Variants in NUP107 observed in about 807,000 individuals in gnomAD.
NUP107 encodes the protein nuclear pore complex protein Nup107.
Under a neutral mutation model 141.0 loss-of-function variants are expected in NUP107, and 101 were observed. The ratio of observed to expected loss-of-function variants is 0.72; its 90% confidence interval spans 0.61 to 0.84. The LOEUF is 0.84. Among genes scored for constraint, NUP107 ranks in the 40% least tolerant of loss-of-function variants. The pLI, the probability that NUP107 is intolerant of heterozygous loss-of-function variation, is 0.00. For synonymous variants in NUP107, 319 were observed against 363.9 expected, an observed-to-expected ratio of 0.88 and a Z score of 1.41; for missense variants, 941 against 1,102.7, an observed-to-expected ratio of 0.85 and a Z score of 2.08.
At chr12:68,705,924 C>G (rs1044416883) in intron 8 of NUP107, 53 of 909,264 alleles carry the variant, frequency 5.8e-5, no homozygotes, top group Non-Finnish European at 9.3e-5. Flanking sequence ...AGATCAAGAC[C>G]CTCAACAACA....
intron 26 of NUP107, among the ~76,000 whole-genome samples, chr12:68,739,046 A>T (rs576781028): frequency 4.6e-5 from 7 of 151,658 alleles, no homozygotes; most frequent in Non-Finnish European, 8.8e-5. Context: ...GGGCCTCTTC[A>T]TTGGTTCCCC....
rs920004100 is a variant in NUP107 at position 68,700,593 on chromosome 12, C to T, written c.553-133C>T. The T allele has an allele frequency of 1.8e-5, 9 of 512,232 alleles. No homozygotes were observed. The African/African-American group carries it at 1.8e-4, about 10-fold the overall frequency. 31.7% of individuals were successfully genotyped at this position (512,232 alleles called of 1,614,324 possible). On this transcript the variant is annotated intron_variant, in intron 6 of 27. Transcript: ENST00000229179. ...TTACATTACATTTAATTTAAAAAGA[C>T]AAAATAGAGAAGGCAATTTTATAAT...
At chr12:68,721,721 T>C (rs1049429172) in intron 15 of NUP107, 120 bp from the exon 16 acceptor site, 61 of 984,988 alleles carry the variant, frequency 6.2e-5, no homozygotes, top group Non-Finnish European at 8.6e-5. Context: ...TTTTTTAAAA[T>C]CTGCCGTGTT....
chr12:68,726,738 T>C (rs1877583453), intron 19 of NUP107, 121 bp downstream of exon 19: 1 of 706,176 alleles, frequency 1.4e-6, no homozygotes, highest in Non-Finnish European at 2.4e-6. Context: ...TCAAAAGTCT[T>C]CCATATAGTC....
At chr12:68,720,821 T>C (rs1877319279) in intron 14 of NUP107, among the ~76,000 whole-genome samples, 1 of 152,136 alleles carries the variant, frequency 6.6e-6, no homozygotes, top group Admixed American at 6.5e-5. Flanking sequence ...CTATATAGAT[T>C]GTATCTGGAA....
rs756925242 is a variant in NUP107 at position 68,702,767 on chromosome 12, A to G, written c.712A>G (p.Ser238Gly). Residue 238 changes from serine (S) to glycine (G), a missense_variant, in exon 8 of 28, where the codon AGT (serine) becomes GGT (glycine). Ser to Gly is a moderately conservative substitution (Grantham distance 56). Coordinates refer to ENST00000229179, the MANE Select transcript of NUP107 (RefSeq NM_020401.4). ...AATACAGTCTGCATTAGAAGAGGAA[A>G]GTGTATTCGCAGTTACTGTAAGTTT... ...DRIQSALEEE[S>G]VFAVTAVNAS... 4 of 1,544,632 alleles carry G rather than the reference A, an allele frequency of 2.6e-6. No homozygotes were observed. The East Asian group carries it at 9.4e-5, about 36-fold the overall frequency.
At chr12:68,696,384 T>A (rs1005383211) in intron 5 of NUP107, among the ~76,000 whole-genome samples, 1 of 147,150 alleles carries the variant, frequency 6.8e-6, no homozygotes, top group African/African-American at 2.5e-5. Context: ...TTTTTTAATA[T>A]AGCAGTGAAT....
At chr12:68,705,062 A>G (rs1876514624) in intron 8 of NUP107, among the ~76,000 whole-genome samples, 3 of 150,854 alleles carry the variant, frequency 2.0e-5, no homozygotes, top group African/African-American at 7.3e-5. Context: ...TCTTTTTTAT[A>G]TTTTATAGAG....
Position 68,703,788 on chromosome 12 carries a change from T to A in NUP107, c.729+1004T>A, listed in dbSNP as rs188051149. Among the ~76,000 whole-genome samples the A allele has an allele frequency of 1.8e-3, 273 of 152,364 alleles. 2 individuals carry two copies. Among genetic ancestry groups the A allele is most frequent in the Admixed American group, 0.015 (237 of 15,296 alleles). On this transcript the variant is annotated intron_variant, in intron 8 of 27. Transcript: ENST00000229179. The stretch of plus-strand genomic sequence containing the variant: ...TAAAATTATTATTTCTTAGATTTTT[T>A]AAAATTTATGTAGGTTTTTACCATA...
chr12:68,691,865 C>A, intron 4 of NUP107, 103 bp from the exon 5 acceptor site: 127 of 791,586 alleles, frequency 1.6e-4, no homozygotes, highest in Middle Eastern at 3.9e-4. Context: ...AAGACGCATA[C>A]ATACATATAA....
chr12:68,688,862 T>G, intron 1 of NUP107, 100 bp from the exon 2 acceptor site: 2 of 797,542 alleles, frequency 2.5e-6, no homozygotes, highest in Non-Finnish European at 4.0e-6. Context: ...TGACTATACC[T>G]TAACTTACTC....
intron 1 of NUP107, chr12:68,687,632 C>T: frequency 1.0e-6 from 1 of 985,760 alleles, no homozygotes; most frequent in Non-Finnish European, 1.2e-6. Context: ...GTCACTGTAA[C>T]TATCAGGAAG....
chr12:68,720,998 TA>T, intron 14 of NUP107, 119 bp from the exon 15 acceptor site: 1 of 562,022 alleles, frequency 1.8e-6, no homozygotes. Context: ...CACTAAAGTT[TA>T]AAAACTATCA....
intron 20 of NUP107, among the ~76,000 whole-genome samples, chr12:68,729,679 G>C (rs1031250051): frequency 1.3e-5 from 2 of 151,968 alleles, no homozygotes; most frequent in Non-Finnish European, 2.9e-5. Flanking sequence ...CTGACCTCAG[G>C]TGATCCAGCA....
chr12:68,733,644 T>C, intron 24 of NUP107, 32 bp downstream of exon 24: 5 of 1,570,784 alleles, frequency 3.2e-6, no homozygotes, highest in Non-Finnish European at 3.4e-6. Flanking sequence ...CAGATGTGCC[T>C]ACTTCATGAT....
chr12:68,735,457 T>C (rs779036655), intron 26 of NUP107, 113 bp downstream of exon 26: 4 of 726,616 alleles, frequency 5.5e-6, no homozygotes, highest in Admixed American at 2.2e-5. Flanking sequence ...ATTGTAGATA[T>C]AGCTAAATCC....
In NUP107 at chr12:68,733,501, G is replaced by C; in HGVS notation, c.2151G>C (p.Gln717His). 2 of 1,611,514 alleles carry C rather than the reference G, an allele frequency of 1.2e-6. No individual in the cohort carries two copies. The highest frequency in any genetic ancestry group is 1.7e-6 in the Non-Finnish European group (2 of 1,179,092). ...AAKEVFVKIP[Q>H]DSIAEIYNQC... is the part of the protein sequence containing the mutation. ...AAGAAGTATTTGTGAAAATTCCTCA[G>C]GATTCTATAGCAGAAATCTATAATC... Residue 717 changes from glutamine to histidine, a missense_variant, in exon 24 of 28, where the codon CAG becomes CAC. Coordinates refer to ENST00000229179, the MANE Select transcript of NUP107 (RefSeq NM_020401.4).
At position 68,727,283 on chromosome 12, in the gene NUP107, T is replaced by C. The variant is rs1877604446; in HGVS notation, c.1696-68T>C. The C allele has an allele frequency of 3.9e-6, 3 of 764,988 alleles. No individual in the cohort carries two copies. In the East Asian group the frequency reaches 7.5e-5, roughly 19 times the overall value. The allele number at this position is 764,988 out of a possible 1,614,324, so 47.4% of individuals were successfully genotyped here. A position where few individuals can be genotyped will look rare whatever the true frequency, so the allele number is the denominator to read the frequency against. ...TATTAAATTATTTAATAATGGAATT[T>C]GTATCAAAAATTTTGTTACTTTCAT... On this transcript the variant is annotated intron_variant, in intron 19 of 27. Transcript: ENST00000229179.
Position 68,692,021 on chromosome 12 carries a change from C to T in NUP107, c.357C>T (p.Ser119=), listed in dbSNP as rs150431213. Residue 119 remains serine, a synonymous_variant, in exon 5 of 28, where the codon TCC becomes TCT. Transcript: ENST00000229179. ...NWAAAFSSQR[S]GLFTNTEPHS... Reference sequence around the variant, plus strand: ...CAGCTGCATTTTCATCACAGCGTTCCGGGCTGTTCACAAACACAGAGCCCC... The same window carrying T: ...CAGCTGCATTTTCATCACAGCGTTCTGGGCTGTTCACAAACACAGAGCCCC... The T allele has an allele frequency of 7.3e-4, 1,169 of 1,611,136 alleles. 19 individuals are homozygous for T. In the Admixed American group the frequency reaches 0.018, roughly 25 times the overall value.
Sources: gnomAD v4.1 joint callset for allele counts (sites outside exome capture counted in the v4.1 genomes callset) on GRCh38, gnomAD v4.1.1 for gene constraint, MANE v1.5 for transcripts, NCBI Gene and HGNC (gene_info 2026-07-23, HGNC 2026-07-21) for gene names.